Variants in FHIT observed in about 807,000 individuals in gnomAD.
FHIT encodes the protein fragile histidine triad diadenosine triphosphatase, also known as bis(5'-adenosyl)-triphosphatase.
FHIT carries 19 observed loss-of-function variants against 17.9 expected under a neutral mutation model. That is an observed-to-expected ratio of 1.06 (90% CI 0.74 to 1.56). FHIT has a LOEUF of 1.56. Among genes scored for constraint, FHIT ranks in the 40% most tolerant of loss-of-function variants. The pLI, the probability that FHIT is intolerant of heterozygous loss-of-function variation, is 0.00. For missense variants in FHIT, 248 were observed against 189.2 expected, an observed-to-expected ratio of 1.31 and a Z score of -1.82; for synonymous variants, 81 against 69.7, an observed-to-expected ratio of 1.16 and a Z score of -0.81.
chr3:61,040,446 T>G (rs2033452931), intron 3 of FHIT, among the ~76,000 whole-genome samples: 1 of 152,242 alleles, frequency 6.6e-6, no homozygotes, highest in African/African-American at 2.4e-5. Context: ...TGATAATGGT[T>G]TTATTAAATC....
In FHIT at chr3:61,204,582, G is replaced by C. The variant is rs76306808; in HGVS notation, c.-212-3917C>G. The stretch of plus-strand genomic sequence containing the variant: ...ATAAAAAAGAAAATATTTTAACTAA[G>C]TCCAGCTGTGTCAGGAATCAGGGTA... On this transcript the variant is annotated intron_variant, in intron 1 of 9. Transcript: ENST00000492590. 1.1e-4 allele frequency among the ~76,000 whole-genome samples: 16 copies of C among 152,202 alleles called. No homozygotes were observed. In the East Asian group the frequency reaches 3.1e-3, roughly 29 times the overall value.
chr3:59,962,038 T>A (rs927438290), intron 7 of FHIT, among the ~76,000 whole-genome samples: 4 of 152,150 alleles, frequency 2.6e-5, no homozygotes, highest in African/African-American at 9.7e-5. Flanking sequence ...TACAGCAGAA[T>A]CATTCTAGAA....
chr3:60,066,723 C>T (rs187638142), intron 5 of FHIT, among the ~76,000 whole-genome samples: 2,339 of 136,984 alleles, frequency 0.017, 30 homozygotes, highest in Middle Eastern at 0.026. Context: ...GAGGCACGAT[C>T]TCGGCTCACT....
chr3:59,991,125 C>T (rs759271280), intron 7 of FHIT, among the ~76,000 whole-genome samples: 55 of 152,054 alleles, frequency 3.6e-4, no homozygotes, highest in East Asian at 5.8e-4. Flanking sequence ...TTTTATTTAG[C>T]GAGAAGCAGA....
chr3:60,176,761 G>C (rs1701691482), intron 5 of FHIT, among the ~76,000 whole-genome samples: 1 of 152,204 alleles, frequency 6.6e-6, no homozygotes, highest in East Asian at 1.9e-4. Context: ...TTAGCACGAG[G>C]AGGAAGCTGG....
chr3:60,261,583 G>C (rs974901749), intron 5 of FHIT, among the ~76,000 whole-genome samples: 2 of 152,034 alleles, frequency 1.3e-5, no homozygotes, highest in African/African-American at 4.8e-5. Context: ...CCTGATGTCA[G>C]ATCCTCTTCA....
intron 4 of FHIT, among the ~76,000 whole-genome samples, chr3:60,805,407 G>T (rs971019561): frequency 6.6e-6 from 1 of 151,946 alleles, no homozygotes; most frequent in African/African-American, 2.4e-5. Flanking sequence ...CTGCCTTTTC[G>T]TTCACCATGT....
intron 5 of FHIT, among the ~76,000 whole-genome samples, chr3:60,230,121 G>A (rs1460285095): frequency 6.6e-6 from 1 of 152,146 alleles, no homozygotes; most frequent in Non-Finnish European, 1.5e-5. Context: ...TATTAAAATT[G>A]AATAACGTTA....
At chr3:59,929,363 G>GTTTTTTTTTTTT (rs869243844) in intron 7 of FHIT, among the ~76,000 whole-genome samples, 12 of 67,066 alleles carry the variant, frequency 1.8e-4, no homozygotes, top group East Asian at 4.2e-4. Flanking sequence ...TGTTTTTTTG[G>GTTTTTTTTTTTT]TTTTTTTTTT....
intron 4 of FHIT, among the ~76,000 whole-genome samples, chr3:60,674,061 C>T (rs1220454330): frequency 1.3e-5 from 2 of 152,022 alleles, no homozygotes; most frequent in Admixed American, 1.3e-4. Context: ...CTCGCTTTTG[C>T]CCCACAGATC....
rs533594377 is a variant in FHIT at position 60,485,110 on chromosome 3, C to T, written c.103+51750G>A. The stretch of plus-strand genomic sequence containing the variant: ...AATCAAAACCATAATGAGATACCAT[C>T]TGAAGTCAGTCAGAATGGTGAGTAC... On this transcript the variant is annotated intron_variant, in intron 5 of 9. Coordinates refer to ENST00000492590, the MANE Select transcript of FHIT (RefSeq NM_002012.4). Among the ~76,000 whole-genome samples the T allele has an allele frequency of 5.3e-5, 8 of 152,152 alleles. 1 individual carries two copies. In the South Asian group the frequency reaches 1.7e-3, roughly 32 times the overall value.
intron 5 of FHIT, among the ~76,000 whole-genome samples, chr3:60,527,337 A>G (rs750431579): frequency 1.3e-5 from 2 of 152,220 alleles, no homozygotes; most frequent in Non-Finnish European, 2.9e-5. Flanking sequence ...TATTAAAGCA[A>G]TCATCTTTGG....
At chr3:60,165,532 T>C (rs1576234971) in intron 5 of FHIT, among the ~76,000 whole-genome samples, 1 of 152,186 alleles carries the variant, frequency 6.6e-6, no homozygotes, top group Non-Finnish European at 1.5e-5. Context: ...TGGGTGAGCA[T>C]TATTTAGAAT....
intron 5 of FHIT, among the ~76,000 whole-genome samples, chr3:60,114,677 A>C (rs190331150): frequency 1.6e-3 from 250 of 151,562 alleles, no homozygotes; most frequent in African/African-American, 5.7e-3. Flanking sequence ...TATTTTTTCT[A>C]AAGATGAGGT....
chr3:59,771,801 CG>C (rs1702086200), intron 8 of FHIT, among the ~76,000 whole-genome samples: 1 of 152,170 alleles, frequency 6.6e-6, no homozygotes. Context: ...TGCTCTAAAA[CG>C]GGAGTGCTTA....
intron 5 of FHIT, among the ~76,000 whole-genome samples, chr3:60,317,617 A>ATATG (rs1709222036): frequency 7.1e-6 from 1 of 141,024 alleles, no homozygotes; most frequent in South Asian, 2.3e-4. Context: ...GTAATTATAT[A>ATATG]TGTGTGTGTG....
chr3:60,046,220 G>A lies in FHIT; in HGVS notation c.104-32068C>T, dbSNP rs557378636. Among the ~76,000 whole-genome samples the A allele has an allele frequency of 9.9e-5, 15 of 152,190 alleles. 2 individuals are homozygous for A. Among genetic ancestry groups the A allele is most frequent in the South Asian group, 2.1e-4 (1 of 4,818 alleles). ...TTTACTACTTTCCATTGCCTTTTTCGCAAGCAATTACCATCTCACACATGC... is the reference window on the plus strand; with the variant it reads ...TTTACTACTTTCCATTGCCTTTTTCACAAGCAATTACCATCTCACACATGC... On this transcript the variant is annotated intron_variant, in intron 5 of 9. Transcript: ENST00000492590.
intron 4 of FHIT, among the ~76,000 whole-genome samples, chr3:60,669,660 G>A (rs1005724517): frequency 6.6e-6 from 1 of 152,138 alleles, no homozygotes; most frequent in Non-Finnish European, 1.5e-5. Context: ...AAATGGCACA[G>A]AACAACATTG....
intron 8 of FHIT, among the ~76,000 whole-genome samples, chr3:59,858,050 T>C (rs1702242084): frequency 6.6e-6 from 1 of 152,154 alleles, no homozygotes; most frequent in Non-Finnish European, 1.5e-5. Flanking sequence ...TGTCTTCAAC[T>C]ATGCTTAGAC....
Sources: allele counts gnomAD v4.1 joint callset (sites outside exome capture counted in the v4.1 genomes callset), GRCh38; gene constraint gnomAD v4.1.1; transcripts MANE v1.5; gene names NCBI Gene and HGNC (gene_info 2026-07-23, HGNC 2026-07-21).